TMEM131: variants seen among roughly 807,000 people sequenced by gnomAD.
TMEM131 encodes the protein 2610524E03Rik.
A neutral mutation model predicts 211.6 loss-of-function variants in TMEM131; 66 were observed. That is an observed-to-expected ratio of 0.31 (90% CI 0.26 to 0.38). TMEM131 has a LOEUF of 0.38. Ranked by LOEUF, TMEM131 falls within the 10% of genes least tolerant of loss-of-function variation. The pLI is 1.00. For synonymous variants in TMEM131, 844 were observed against 841.3 expected, an observed-to-expected ratio of 1.00 and a Z score of -0.06; for missense variants, 2,036 against 2,299.3, an observed-to-expected ratio of 0.89 and a Z score of 2.34.
intron 3 of TMEM131, among the ~76,000 whole-genome samples, chr2:97,899,288 G>A (rs190789432): frequency 8.5e-5 from 13 of 152,136 alleles, no homozygotes; most frequent in South Asian, 2.1e-4. Context: ...GCATACTTAC[G>A]AAGAAGTGTA....
At chr2:97,974,971 T>C (rs976641783) in intron 1 of TMEM131, among the ~76,000 whole-genome samples, 1 of 152,148 alleles carries the variant, frequency 6.6e-6, no homozygotes, top group Non-Finnish European at 1.5e-5. Context: ...ACAACCAACC[T>C]GACTGACATT....
intron 2 of TMEM131, among the ~76,000 whole-genome samples, chr2:97,919,810 T>TC (rs554481293): frequency 1.3e-4 from 20 of 152,300 alleles, no homozygotes; most frequent in Non-Finnish European, 2.6e-4. Context: ...CCTCAAGTGA[T>TC]CCACCTGCCT....
At chr2:97,919,461 T>C (rs1344076124) in intron 2 of TMEM131, among the ~76,000 whole-genome samples, 2 of 152,220 alleles carry the variant, frequency 1.3e-5, no homozygotes, top group Admixed American at 1.3e-4. Context: ...TATTATATAT[T>C]ATTTTTGCCT....
chr2:97,992,854 A>G (rs1680324837), intron 1 of TMEM131, among the ~76,000 whole-genome samples: 1 of 152,234 alleles, frequency 6.6e-6, no homozygotes, highest in Admixed American at 6.5e-5. Context: ...AGTTATTTGT[A>G]GTGATTATAA....
chr2:97,875,049 AAGC>A (rs775159623), intron 4 of TMEM131, among the ~76,000 whole-genome samples: 64 of 152,154 alleles, frequency 4.2e-4, no homozygotes, highest in Non-Finnish European at 7.5e-4. Flanking sequence ...AAATGAAAAA[AAGC>A]AGGAGTTGCA....
At position 97,970,457 on chromosome 2, in the gene TMEM131, C is replaced by T. The variant is rs1032445942; in HGVS notation, c.187+25019G>A. Among the ~76,000 whole-genome samples, 17 of 152,212 alleles carry T rather than the reference C, an allele frequency of 1.1e-4. 1 individual carries two copies. Among genetic ancestry groups the T allele is most frequent in the Non-Finnish European group, 5.9e-5 (4 of 68,040 alleles). On this transcript the variant is annotated intron_variant, in intron 1 of 40. Coordinates refer to ENST00000186436, the MANE Select transcript of TMEM131 (RefSeq NM_015348.2). ...AAAACTAACATTTCAAGACCTATGGCAAAGTGCCTAGCAACTCTATTAAGC... is the reference window on the plus strand; with the variant it reads ...AAAACTAACATTTCAAGACCTATGGTAAAGTGCCTAGCAACTCTATTAAGC...
At position 97,818,668 on chromosome 2, in the gene TMEM131, A is replaced by G. The variant is rs748622910; in HGVS notation, c.1128T>C (p.Ile376=). ...ATTTACTTTCTGATGCTTTTAATGT[A>G]ATTGGTTTAAAGTGTACCGTTATAG... ...NDAITVHFKP[I]TLKASESKYT... is the part of the protein sequence containing the mutation. The change falls in exon 12 of 41, where the codon ATT becomes ATC. Residue 376 remains isoleucine, a synonymous_variant. Coordinates refer to ENST00000186436, the MANE Select transcript of TMEM131 (RefSeq NM_015348.2). The G allele has an allele frequency of 1.2e-6, 2 of 1,608,766 alleles. No homozygotes were observed. Among genetic ancestry groups the G allele is most frequent in the Non-Finnish European group, 8.5e-7 (1 of 1,176,988 alleles).
intron 4 of TMEM131, among the ~76,000 whole-genome samples, chr2:97,861,384 C>T (rs910841823): frequency 2.0e-5 from 3 of 151,156 alleles, no homozygotes; most frequent in East Asian, 2.0e-4. Flanking sequence ...TTCTGCTTGA[C>T]AGAGGAGAGG....
chr2:97,838,530 T>A (rs1683043846), intron 7 of TMEM131, among the ~76,000 whole-genome samples: 1 of 144,706 alleles, frequency 6.9e-6, no homozygotes, highest in African/African-American at 2.5e-5. Context: ...CTGCAACCTC[T>A]GCCTCCTGGG....
At chr2:97,823,409 A>G (rs951337893) in intron 11 of TMEM131, among the ~76,000 whole-genome samples, 4 of 152,176 alleles carry the variant, frequency 2.6e-5, no homozygotes, top group African/African-American at 4.8e-5. Context: ...GATGTCCTAC[A>G]TGGTCTAGGG....
At chr2:97,980,473 T>C (rs59635122) in intron 1 of TMEM131, among the ~76,000 whole-genome samples, 11,346 of 152,238 alleles carry the variant, frequency 0.075, 512 homozygotes, top group Middle Eastern at 0.12. Flanking sequence ...ATACACTTCT[T>C]ATGGGAATAT....
chr2:97,869,441 G>T (rs542953891), intron 4 of TMEM131, among the ~76,000 whole-genome samples: 17 of 152,348 alleles, frequency 1.1e-4, no homozygotes, highest in African/African-American at 3.6e-4. Context: ...AAGAGGAAAG[G>T]CATGGGCCAC....
intron 2 of TMEM131, chr2:97,913,254 C>T (rs570615338): frequency 6.6e-6 from 1 of 152,194 alleles, no homozygotes; most frequent in African/African-American, 2.4e-5. Flanking sequence ...CCAAAACGTA[C>T]ACAGGCCAAG....
At chr2:97,886,046 A>G (rs1675143261) in intron 4 of TMEM131, among the ~76,000 whole-genome samples, 1 of 151,734 alleles carries the variant, frequency 6.6e-6, no homozygotes, top group African/African-American at 2.4e-5. Context: ...GGTTTAGTCT[A>G]TTGTTGAAGC....
chr2:97,985,349 C>T (rs1477873577), intron 1 of TMEM131, among the ~76,000 whole-genome samples: 1 of 138,852 alleles, frequency 7.2e-6, no homozygotes, highest in East Asian at 1.9e-4. Context: ...TACAGTTTTA[C>T]TTAATACATA....
intron 5 of TMEM131, among the ~76,000 whole-genome samples, chr2:97,846,899 G>C (rs187948316): frequency 5.4e-4 from 82 of 152,274 alleles, no homozygotes; most frequent in African/African-American, 1.9e-3. Flanking sequence ...CGTGCAAAGA[G>C]GGCCGGCGCG....
chr2:97,919,397 G>A (rs1000116838), intron 2 of TMEM131, among the ~76,000 whole-genome samples: 1 of 152,014 alleles, frequency 6.6e-6, no homozygotes, highest in East Asian at 1.9e-4. Context: ...CATTTGTAAA[G>A]GATATTTTCA....
At chr2:97,981,040 A>G (rs1326807164) in intron 1 of TMEM131, among the ~76,000 whole-genome samples, 2 of 85,798 alleles carry the variant, frequency 2.3e-5, no homozygotes, top group Admixed American at 1.1e-4. Flanking sequence ...AAAAAAAAAA[A>G]AAAAAAAAAA....
chr2:97,894,749 A>G (rs1370477882), intron 3 of TMEM131, among the ~76,000 whole-genome samples: 1 of 152,198 alleles, frequency 6.6e-6, no homozygotes, highest in Non-Finnish European at 1.5e-5. Context: ...GAAGTTGCTT[A>G]TCAGCTTAAG....
Sources: allele counts gnomAD v4.1 joint callset (sites outside exome capture counted in the v4.1 genomes callset), GRCh38; gene constraint gnomAD v4.1.1; transcripts MANE v1.5; gene names NCBI Gene and HGNC (gene_info 2026-07-23, HGNC 2026-07-21).